AFF3: variants seen among roughly 807,000 people sequenced by gnomAD.
AFF3 encodes ALF transcription elongation factor 3.
AFF3 carries 32 observed loss-of-function variants against 129.7 expected under a neutral mutation model. The ratio of observed to expected loss-of-function variants is 0.25; its 90% CI spans 0.19 to 0.33. The LOEUF (loss-of-function observed/expected upper bound fraction) is 0.33. Among genes scored for constraint, AFF3 ranks in the 10% least tolerant of loss-of-function variants. The pLI is 1.00. For synonymous variants in AFF3, 644 were observed against 635.4 expected (o/e 1.01, Z -0.20); for missense variants, 1,373 against 1,592.0 (o/e 0.86, Z 2.34).
intron 4 of AFF3, among the ~76,000 whole-genome samples, chr2:100,060,700 C>T (rs910908688): frequency 1.3e-5 from 2 of 152,164 alleles, no homozygotes; most frequent in South Asian, 4.2e-4. Flanking sequence ...CCCTCACCCC[C>T]TGGATACCCC....
intron 7 of AFF3, among the ~76,000 whole-genome samples, chr2:99,918,310 A>G (rs1332560067): frequency 1.3e-5 from 2 of 152,214 alleles, no homozygotes; most frequent in African/African-American, 2.4e-5. Flanking sequence ...AGTTTGAAAC[A>G]TTCTGGGTAT....
chr2:100,060,462 C>T (rs1437379), intron 4 of AFF3, among the ~76,000 whole-genome samples: 4,243 of 152,266 alleles, frequency 0.028, 166 homozygotes, highest in African/African-American at 0.09. Flanking sequence ...AACCGGGCTA[C>T]CTTTTCCACC....
At chr2:99,590,680 G>A (rs1558611238) in intron 15 of AFF3, among the ~76,000 whole-genome samples, 1 of 152,182 alleles carries the variant, frequency 6.6e-6, no homozygotes, top group Non-Finnish European at 1.5e-5. Context: ...TGGAAACTAT[G>A]TTGGGGCCTC....
chr2:100,032,428 CA>C (rs568319925), intron 4 of AFF3, among the ~76,000 whole-genome samples: 134 of 144,084 alleles, frequency 9.3e-4, no homozygotes, highest in Non-Finnish European at 9.8e-4. Flanking sequence ...GACTCTGTCT[CA>C]AAAAAAAAAA....
intron 8 of AFF3, among the ~76,000 whole-genome samples, chr2:99,785,883 G>A (rs1327093103): frequency 6.6e-6 from 1 of 152,176 alleles, no homozygotes; most frequent in African/African-American, 2.4e-5. Flanking sequence ...GGGTAGCTGG[G>A]ATTACAGGCA....
At chr2:100,044,226 C>G (rs1685659563) in intron 4 of AFF3, among the ~76,000 whole-genome samples, 1 of 152,252 alleles carries the variant, frequency 6.6e-6, no homozygotes, top group Admixed American at 6.5e-5. Context: ...CCGCATCCTC[C>G]ATTCTACCCT....
At chr2:99,948,678 C>T (rs200710157) in intron 7 of AFF3, among the ~76,000 whole-genome samples, 1 of 152,090 alleles carries the variant, frequency 6.6e-6, no homozygotes, top group Non-Finnish European at 1.5e-5. Context: ...AGACAGAGCC[C>T]GCAAGGCCAG....
At chr2:99,673,637 G>T (rs1330842701) in intron 11 of AFF3, among the ~76,000 whole-genome samples, 1 of 152,222 alleles carries the variant, frequency 6.6e-6, no homozygotes. Context: ...CCATACATCA[G>T]TGTGAAGCCC....
intron 7 of AFF3, among the ~76,000 whole-genome samples, chr2:99,863,125 T>C (rs1040158128): frequency 6.6e-6 from 1 of 152,278 alleles, no homozygotes; most frequent in Admixed American, 6.5e-5. Flanking sequence ...TCATTCCTTA[T>C]GGCCATTGAT....
rs1444463861 is a variant in AFF3 at position 99,546,991 on chromosome 2, T to C, written c.*4483A>G. On this transcript the variant is annotated 3_prime_UTR_variant, in exon 25 of 25. Transcript: ENST00000672756. ...GCGCGTGTGTGCGTATGTGTATGTA[T>C]CAGGAAATAGCAAAGACAAATAGTA... The C allele has an allele frequency of 4.5e-6, 1 of 220,786 alleles. No individual in the cohort carries two copies. The allele number at this position is 220,786 out of a possible 1,614,324, so 13.7% of individuals were successfully genotyped here. A position where few individuals can be genotyped will look rare whatever the true frequency, so the allele number is the denominator to read the frequency against.
At chr2:99,560,764 T>C (rs1675395069) in intron 20 of AFF3, among the ~76,000 whole-genome samples, 1 of 152,244 alleles carries the variant, frequency 6.6e-6, no homozygotes, top group Non-Finnish European at 1.5e-5. Flanking sequence ...TTTTGATTTA[T>C]GGCTGAGTGT....
intron 12 of AFF3, among the ~76,000 whole-genome samples, chr2:99,666,219 C>T (rs1348339407): frequency 6.6e-6 from 1 of 152,158 alleles, no homozygotes; most frequent in Admixed American, 6.5e-5. Context: ...CGGTGAAATT[C>T]AGGTTGTTTA....
intron 7 of AFF3, among the ~76,000 whole-genome samples, chr2:99,879,615 T>A (rs1356055402): frequency 1.3e-5 from 2 of 152,178 alleles, no homozygotes; most frequent in African/African-American, 4.8e-5. Flanking sequence ...CAACAGGGTA[T>A]AAAAGAATGG....
chr2:100,023,006 G>A (rs1683725375), intron 4 of AFF3, among the ~76,000 whole-genome samples: 1 of 152,200 alleles, frequency 6.6e-6, no homozygotes, highest in African/African-American at 2.4e-5. Flanking sequence ...CGAGTTAGCA[G>A]GCCTCCATTC....
intron 7 of AFF3, among the ~76,000 whole-genome samples, chr2:99,897,360 C>T (rs1309209073): frequency 6.6e-6 from 1 of 152,082 alleles, no homozygotes; most frequent in Non-Finnish European, 1.5e-5. Flanking sequence ...ATTCTCTCCC[C>T]CTAAAACATC....
chr2:99,733,961 A>G (rs994507717), intron 10 of AFF3, among the ~76,000 whole-genome samples: 4 of 152,210 alleles, frequency 2.6e-5, no homozygotes, highest in African/African-American at 9.6e-5. Flanking sequence ...ATTTCCACAT[A>G]CCCAAAAGTT....
intron 7 of AFF3, among the ~76,000 whole-genome samples, chr2:99,874,407 C>T (rs796532925): frequency 1.1e-4 from 17 of 152,240 alleles, no homozygotes; most frequent in African/African-American, 3.4e-4. Flanking sequence ...ACCTGATGTG[C>T]AATGTCAGTT....
intron 7 of AFF3, among the ~76,000 whole-genome samples, chr2:99,871,605 A>G (rs1427273931): frequency 6.6e-6 from 1 of 151,882 alleles, no homozygotes; most frequent in Non-Finnish European, 1.5e-5. Flanking sequence ...GTTACTACAC[A>G]TGGAAAATAT....
chr2:100,018,759 A>G (rs1683346552), intron 4 of AFF3, among the ~76,000 whole-genome samples: 1 of 151,828 alleles, frequency 6.6e-6, no homozygotes, highest in Non-Finnish European at 1.5e-5. Context: ...ACCAAATGAG[A>G]CCCACTTGCA....
Sources: allele counts gnomAD v4.1 joint callset (sites outside exome capture counted in the v4.1 genomes callset), GRCh38; gene constraint gnomAD v4.1.1; transcripts MANE v1.5; gene names NCBI Gene and HGNC (gene_info 2026-07-23, HGNC 2026-07-21).